SFRP1: variants seen among roughly 807,000 people sequenced by gnomAD.
SFRP1 encodes the protein secreted frizzled related protein 1.
Under a neutral mutation model 25.9 loss-of-function variants are expected in SFRP1, and 9 were observed. The ratio of observed to expected loss-of-function variants is 0.35; its 90% CI spans 0.21 to 0.61. The LOEUF (loss-of-function observed/expected upper bound fraction) is 0.61, where lower values mean the gene tolerates loss of function less well. Ranked by LOEUF, SFRP1 falls within the 20% of genes least tolerant of loss-of-function variation. The pLI is 0.78. For synonymous variants in SFRP1, 178 were observed against 174.0 expected (o/e 1.02, Z -0.18); for missense variants, 346 against 418.2 (o/e 0.83, Z 1.51).
At position 41,263,761 on chromosome 8, in the gene SFRP1, T is replaced by C. The variant is rs1127379; in HGVS notation, c.*1406A>G. On this transcript the variant is annotated 3_prime_UTR_variant, in exon 3 of 3. Transcript: ENST00000220772. Reference sequence around the variant, plus strand: ...AAGGGCTTTGGGAAGTATCTCAGGGTACTTGGGAAAAACTGCAGAGATGTT... The same window carrying C: ...AAGGGCTTTGGGAAGTATCTCAGGGCACTTGGGAAAAACTGCAGAGATGTT... 73,267 of 152,010 alleles carry C rather than the reference T, an allele frequency of 0.48. 17,899 individuals are homozygous for C. The highest frequency in any genetic ancestry group is 0.55 in the African/African-American group (22,676 of 41,464). 9.4% of individuals were successfully genotyped at this position (152,010 alleles called of 1,614,324 possible).
intron 2 of SFRP1, among the ~76,000 whole-genome samples, chr8:41,283,247 C>T (rs762172581): frequency 6.6e-6 from 1 of 152,182 alleles, no homozygotes; most frequent in Admixed American, 6.5e-5. Context: ...ACCAGGTAGG[C>T]GTCACATCTA....
At chr8:41,308,590 G>A (rs1001965473) in intron 1 of SFRP1, 26 bp downstream of exon 1, 16 of 1,533,442 alleles carry the variant, frequency 1.0e-5, no homozygotes, top group Non-Finnish European at 1.4e-5. Context: ...GGGGCGGCTC[G>A]CGCACGTGGG....
At chr8:41,284,526 C>T (rs1803675026) in intron 2 of SFRP1, among the ~76,000 whole-genome samples, 1 of 152,164 alleles carries the variant, frequency 6.6e-6, no homozygotes, top group Non-Finnish European at 1.5e-5. Flanking sequence ...GGAGCTGCCA[C>T]TCAGGAGATG....
chr8:41,306,616 C>T (rs187693393), intron 1 of SFRP1: 1 of 1,361,396 alleles, frequency 7.3e-7, no homozygotes, highest in South Asian at 1.4e-5. Flanking sequence ...CAGAGCCCCC[C>T]ACCAAAACCA....
rs755430088 is a variant in SFRP1, at chr8:41,306,679, T to C, written c.544+1937A>G. 3.8e-6 allele frequency: 6 copies of C among 1,586,820 alleles called. No homozygotes were observed. In the African/African-American group the frequency reaches 6.7e-5, roughly 18 times the overall value. ...ACTCCCGACCGGCCCTCTCCCCACT[T>C]TTCTCTTTGCTCCTCAAAGACCTGT... On this transcript the variant is annotated intron_variant, in intron 1 of 2. Coordinates refer to ENST00000220772, the MANE Select transcript of SFRP1 (RefSeq NM_003012.5).
chr8:41,309,075 C>G lies in SFRP1; in HGVS notation c.85G>C (p.Gly29Arg), dbSNP rs746183289. Residue 29 changes from glycine (G) to arginine (R), a missense_variant, in exon 1 of 3, where the codon GGC becomes CGC. Coordinates refer to ENST00000220772, the MANE Select transcript of SFRP1 (RefSeq NM_003012.5). ...LALGAALLAV[G>R]SASEYDYVSF... Reference sequence around the variant, plus strand: ...ACGTAGTCGTACTCGCTGGCCGAGCCCACGGCCAGAAGCGCCGCGCCCAGC... The same window carrying G: ...ACGTAGTCGTACTCGCTGGCCGAGCGCACGGCCAGAAGCGCCGCGCCCAGC... 41 of 1,597,644 alleles carry G rather than the reference C, an allele frequency of 2.6e-5. No homozygotes were observed. The highest frequency in any genetic ancestry group is 3.1e-5 in the Non-Finnish European group (37 of 1,178,178).
chr8:41,269,276 T>C (rs546476464), intron 2 of SFRP1, among the ~76,000 whole-genome samples: 3 of 152,318 alleles, frequency 2.0e-5, no homozygotes, highest in African/African-American at 7.2e-5. Context: ...ATGTGTTTTT[T>C]TTCTTAAGCA....
chr8:41,302,876 AAGAG>A lies in SFRP1; in HGVS notation c.622+581_622+584del, dbSNP rs1259092973. ...TTTCGATGGAGAGTGACTTGGGAAGAAGAGAGAAAAACCACCCTGCTGTGGGGAT... is the reference window on the plus strand; with the variant it reads ...TTTCGATGGAGAGTGACTTGGGAAGAAGAAAAACCACCCTGCTGTGGGGAT... On this transcript the variant is annotated intron_variant, in intron 2 of 2. Coordinates refer to ENST00000220772, the MANE Select transcript of SFRP1 (RefSeq NM_003012.5). Among the ~76,000 whole-genome samples, 5 of 151,676 alleles carry A rather than the reference AAGAG, an allele frequency of 3.3e-5. No homozygotes were observed. In the East Asian group the frequency reaches 9.7e-4, roughly 29 times the overall value.
intron 2 of SFRP1, among the ~76,000 whole-genome samples, chr8:41,287,406 G>C (rs1358219279): frequency 2.0e-5 from 3 of 152,338 alleles, no homozygotes; most frequent in Non-Finnish European, 4.4e-5. Context: ...TCTAAATGCT[G>C]GCATCGGCTC....
chr8:41,281,344 T>C (rs1291803791), intron 2 of SFRP1, among the ~76,000 whole-genome samples: 2 of 152,222 alleles, frequency 1.3e-5, no homozygotes, highest in African/African-American at 4.8e-5. Flanking sequence ...GATTTGCCAG[T>C]GGAGTGGGAG....
At position 41,265,180 on chromosome 8, in the gene SFRP1, G is replaced by T; in HGVS notation, c.932C>A (p.Ser311Tyr). Reference protein sequence around the residue: ...MKNHECPTFQSVFK With the variant: ...MKNHECPTFQYVFK ...CCCCCGGGAGAATCACTTAAACACG[G>T]ACTGAAAGGTGGGGCACTCATGGTT... Residue 311 changes from serine to tyrosine, a missense_variant, in exon 3 of 3, where the codon TCC becomes TAC. Ser to Tyr is a moderately radical substitution (Grantham distance 144). Transcript: ENST00000220772. 1 of 1,350,330 alleles carries T rather than the reference G, an allele frequency of 7.4e-7. No individual in the cohort carries two copies. Among genetic ancestry groups the T allele is most frequent in the Non-Finnish European group, 9.9e-7 (1 of 1,014,008 alleles). 83.6% of individuals were successfully genotyped at this position (1,350,330 alleles called of 1,614,324 possible).
chr8:41,270,880 C>T (rs761157299), intron 2 of SFRP1, among the ~76,000 whole-genome samples: 1 of 151,548 alleles, frequency 6.6e-6, no homozygotes, highest in Non-Finnish European at 1.5e-5. Context: ...TGAACCTGCA[C>T]ACAGCCTGCC....
In SFRP1 at chr8:41,308,634, C is replaced by T; in HGVS notation, c.526G>A (p.Glu176Lys). Residue 176 changes from glutamate to lysine, a missense_variant, in exon 1 of 3, where the codon GAA (glutamate) becomes AAA (lysine). Transcript: ENST00000220772. ...CIAMTPPNAT[E>K]ASKPQGTTVC... ...GCCTTACCTTGGGGCTTGGAGGCTT[C>T]GGTGGCATTGGGCGGCGTCATGGCG... 1 of 1,602,936 alleles carries T rather than the reference C, an allele frequency of 6.2e-7. No homozygotes were observed. Among genetic ancestry groups the T allele is most frequent in the Non-Finnish European group, 8.5e-7 (1 of 1,172,916 alleles).
rs374221535 is a variant in SFRP1 at position 41,265,179 on chromosome 8, G to A, written c.933C>T (p.Ser311=). Residue 311 remains serine, a synonymous_variant, in exon 3 of 3, where the codon TCC becomes TCT. Transcript: ENST00000220772. The part of the protein sequence containing the change: ...MKNHECPTFQ[S]VFK ...GCCCCCGGGAGAATCACTTAAACAC[G>A]GACTGAAAGGTGGGGCACTCATGGT... 1.4e-5 allele frequency: 17 copies of A among 1,237,288 alleles called. No individual in the cohort carries two copies. The Middle Eastern group carries it at 7.0e-4, about 51-fold the overall frequency. 76.6% of individuals were successfully genotyped at this position (1,237,288 alleles called of 1,614,324 possible). A position where few individuals can be genotyped will look rare whatever the true frequency, so the allele number is the denominator to read the frequency against.
chr8:41,296,525 A>G (rs1198668558), intron 2 of SFRP1, among the ~76,000 whole-genome samples: 2 of 151,168 alleles, frequency 1.3e-5, no homozygotes, highest in East Asian at 3.9e-4. Context: ...AAAAAAACAG[A>G]TTGGGGCTTC....
chr8:41,289,625 T>C (rs1375013408), intron 2 of SFRP1, among the ~76,000 whole-genome samples: 1 of 152,178 alleles, frequency 6.6e-6, no homozygotes, highest in Non-Finnish European at 1.5e-5. Context: ...TTTATGTCAA[T>C]CCCTGCTAAC....
At chr8:41,305,822 T>C (rs1262797210) in intron 1 of SFRP1, among the ~76,000 whole-genome samples, 2 of 152,206 alleles carry the variant, frequency 1.3e-5, no homozygotes, top group East Asian at 3.9e-4. Context: ...TCTCTCTTTC[T>C]TCTCTCTTTC....
At chr8:41,283,497 A>C (rs1347684146) in intron 2 of SFRP1, among the ~76,000 whole-genome samples, 1 of 152,150 alleles carries the variant, frequency 6.6e-6, no homozygotes, top group African/African-American at 2.4e-5. Flanking sequence ...GATCAGGCCA[A>C]AGTCAGCGGC....
intron 2 of SFRP1, among the ~76,000 whole-genome samples, chr8:41,276,561 T>C (rs1803574516): frequency 6.6e-6 from 1 of 152,148 alleles, no homozygotes; most frequent in Admixed American, 6.5e-5. Flanking sequence ...TAACTCAGCG[T>C]CTCTCCCCTG....
Sources: allele counts gnomAD v4.1 joint callset (sites outside exome capture counted in the v4.1 genomes callset), GRCh38; gene constraint gnomAD v4.1.1; transcripts MANE v1.5; gene names NCBI Gene and HGNC (gene_info 2026-07-23, HGNC 2026-07-21).